Variants in DHTKD1 observed in about 807,000 individuals in gnomAD.
DHTKD1 encodes the protein 2-oxoadipate dehydrogenase complex component E1.
A neutral mutation model predicts 101.8 loss-of-function variants in DHTKD1; 78 were observed. The observed-to-expected ratio is 0.77, with a 90% confidence interval of 0.64 to 0.93. The LOEUF (loss-of-function observed/expected upper bound fraction) is 0.93. DHTKD1 is among the 40% of genes least tolerant of loss of function. The pLI is 0.00. For missense variants in DHTKD1, 1,223 were observed against 1,161.7 expected, an observed-to-expected ratio of 1.05 and a Z score of -0.77; for synonymous variants, 462 against 450.3, an observed-to-expected ratio of 1.03 and a Z score of -0.33.
At chr10:12,120,084 C>G in intron 15 of DHTKD1, 98 bp from the exon 16 acceptor site, 1 of 877,092 alleles carries the variant, frequency 1.1e-6, no homozygotes, top group South Asian at 1.4e-5. Context: ...TTCACACCAT[C>G]GTAAAGTTGA....
At position 12,094,264 on chromosome 10, in the gene DHTKD1, A is replaced by G. The variant is rs1482334389; in HGVS notation, c.1351A>G (p.Ile451Val). ...PFYTNPIMYK[I>V]IRARKSIPDT... ...CTACACCAACCCCATCATGTACAAA[A>G]TCATCAGGTACAATTATAAACCCTT... The change falls in exon 7 of 17, where the codon ATC (isoleucine) becomes GTC (valine). Residue 451 changes from isoleucine (I) to valine (V), a missense_variant. Physicochemically the swap from Ile to Val is conservative, Grantham distance 29. Coordinates refer to ENST00000263035, the MANE Select transcript of DHTKD1 (RefSeq NM_018706.7). 6.2e-7 allele frequency: 1 copy of G among 1,614,030 alleles called. No homozygotes were observed. The highest frequency in any genetic ancestry group is 1.7e-5 in the Admixed American group (1 of 60,020).
intron 1 of DHTKD1, among the ~76,000 whole-genome samples, chr10:12,074,022 G>A (rs988291743): frequency 1.3e-5 from 2 of 152,138 alleles, no homozygotes; most frequent in South Asian, 2.1e-4. Flanking sequence ...CTCTGGCTTC[G>A]TTACGGACTT....
rs200406713 is a variant in DHTKD1, at chr10:12,113,055, C to G, written c.2310C>G (p.Leu770=). Residue 770 remains leucine (L), a synonymous_variant, in exon 13 of 17, where the codon CTC becomes CTG. Transcript: ENST00000263035. ...TTGTTGCTTCCCCTAAGATGTTACT[C>G]AGGCTCCCGGTAAGCAGAAGGTGGT... ...PLIVASPKML[L]RLPAAVSTLQ... 6.2e-7 allele frequency: 1 copy of G among 1,607,744 alleles called. No homozygotes were observed. Among genetic ancestry groups the G allele is most frequent in the Non-Finnish European group, 8.5e-7 (1 of 1,177,534 alleles).
chr10:12,105,518 A>G (rs1016688859), intron 10 of DHTKD1, among the ~76,000 whole-genome samples: 1 of 151,182 alleles, frequency 6.6e-6, no homozygotes, highest in Admixed American at 6.6e-5. Flanking sequence ...GGGTTTTGCC[A>G]TGTTGCCCAT....
chr10:12,113,738 C>A (rs189483218), intron 13 of DHTKD1, among the ~76,000 whole-genome samples: 36 of 151,974 alleles, frequency 2.4e-4, no homozygotes, highest in African/African-American at 8.7e-4. Flanking sequence ...GCAACCTGGG[C>A]AACATTGCAA....
At position 12,095,987 on chromosome 10, in the gene DHTKD1, C is replaced by T. The variant is rs538050369; in HGVS notation, c.1359-1697C>T. On this transcript the variant is annotated intron_variant, in intron 7 of 16. Transcript: ENST00000263035. ...TTGTGCCACTGCATTCCAGCCTGGG[C>T]GACAGAGCGAGACTCGGTCTCAAAG... is the stretch of plus-strand genomic sequence containing the variant. Among the ~76,000 whole-genome samples the T allele has an allele frequency of 2.6e-5, 4 of 151,932 alleles. No individual in the cohort carries two copies. In the East Asian group the frequency reaches 7.7e-4, roughly 29 times the overall value.
intron 13 of DHTKD1, among the ~76,000 whole-genome samples, chr10:12,113,411 T>C (rs1201248376): frequency 1.3e-5 from 2 of 152,162 alleles, no homozygotes; most frequent in Non-Finnish European, 2.9e-5. Context: ...TTGGCCAGAC[T>C]AGTCTCTAAC....
At chr10:12,070,592 G>A (rs1357013757) in intron 1 of DHTKD1, among the ~76,000 whole-genome samples, 9 of 152,160 alleles carry the variant, frequency 5.9e-5, no homozygotes, top group Admixed American at 5.2e-4. Context: ...GGGTTCAAGC[G>A]ATTGTCCTGC....
chr10:12,111,580 G>A (rs1248889176), intron 12 of DHTKD1, among the ~76,000 whole-genome samples: 1 of 152,198 alleles, frequency 6.6e-6, no homozygotes, highest in Non-Finnish European at 1.5e-5. Flanking sequence ...TGATTTCCTT[G>A]CATTGGTAAA....
Position 12,121,748 on chromosome 10 carries a change from A to AG in DHTKD1, c.*861dup. On this transcript the variant is annotated 3_prime_UTR_variant, in exon 17 of 17. Coordinates refer to ENST00000263035, the MANE Select transcript of DHTKD1 (RefSeq NM_018706.7). ...GTACTCCAACCTGGGCGACAGAGCA[A>AG]GACTCCATCTCATAAATTAAAAGGA... 6.6e-6 allele frequency: 1 copy of AG among 152,338 alleles called. No homozygotes were observed. The highest frequency in any genetic ancestry group is 1.5e-5 in the Non-Finnish European group (1 of 68,034). 9.4% of individuals were successfully genotyped at this position (152,338 alleles called of 1,614,324 possible).
intron 8 of DHTKD1, among the ~76,000 whole-genome samples, chr10:12,098,639 A>G (rs1374097178): frequency 6.6e-6 from 1 of 152,190 alleles, no homozygotes; most frequent in East Asian, 1.9e-4. Flanking sequence ...ATCTCGGCTC[A>G]CTGCAACCTC....
intron 9 of DHTKD1, among the ~76,000 whole-genome samples, chr10:12,100,636 A>G (rs1460974234): frequency 6.6e-6 from 1 of 152,110 alleles, no homozygotes; most frequent in East Asian, 1.9e-4. Flanking sequence ...TTTGCAGTTT[A>G]TTTGAGTTAT....
At chr10:12,114,009 A>C (rs571638439) in intron 13 of DHTKD1, among the ~76,000 whole-genome samples, 1 of 150,276 alleles carries the variant, frequency 6.7e-6, no homozygotes, top group African/African-American at 2.4e-5. Flanking sequence ...TATTTTGTTG[A>C]AAATGAGTGG....
intron 12 of DHTKD1, among the ~76,000 whole-genome samples, chr10:12,109,144 A>G (rs1043569025): frequency 1.2e-4 from 18 of 152,064 alleles, no homozygotes; most frequent in Admixed American, 7.2e-4. Context: ...CTCTGTCTCA[A>G]AAAATTAAAT....
intron 7 of DHTKD1, among the ~76,000 whole-genome samples, chr10:12,095,534 C>T (rs1833052294): frequency 1.3e-5 from 2 of 151,922 alleles, no homozygotes. Context: ...AAAAATTTGG[C>T]CAGGCGCGGT....
chr10:12,114,143 A>G (rs974296539), intron 13 of DHTKD1, among the ~76,000 whole-genome samples: 2 of 151,016 alleles, frequency 1.3e-5, no homozygotes, highest in African/African-American at 2.4e-5. Context: ...AGGTTTACCT[A>G]TTTATCTGTT....
At chr10:12,084,492 A>G (rs1053836754) in intron 2 of DHTKD1, 48 bp from the exon 3 acceptor site, 1 of 1,196,188 alleles carries the variant, frequency 8.4e-7, no homozygotes, top group Non-Finnish European at 1.2e-6. Flanking sequence ...CATCATGTTA[A>G]GGAACATGAT....
intron 7 of DHTKD1, among the ~76,000 whole-genome samples, chr10:12,094,852 G>A (rs1399007362): frequency 6.6e-6 from 1 of 151,830 alleles, no homozygotes; most frequent in African/African-American, 2.4e-5. Context: ...TGTTGGCTAG[G>A]CTGGTCTCAA....
chr10:12,101,018 CT>C (rs764000157), intron 9 of DHTKD1, 23 bp from the exon 10 acceptor site: 37 of 1,600,616 alleles, frequency 2.3e-5, no homozygotes, highest in Middle Eastern at 1.7e-4. Context: ...GGGAATCTGA[CT>C]TTTTTTTTCT....
Sources: allele counts gnomAD v4.1 joint callset (sites outside exome capture counted in the v4.1 genomes callset), GRCh38; gene constraint gnomAD v4.1.1; transcripts MANE v1.5; gene names NCBI Gene and HGNC (gene_info 2026-07-23, HGNC 2026-07-21).